STXBP5L: variants seen among roughly 807,000 people sequenced by gnomAD.
STXBP5L encodes syntaxin-binding protein 5-like.
STXBP5L carries 65 observed loss-of-function variants against 144.5 expected under a neutral mutation model. That is an observed-to-expected ratio of 0.45 (90% CI 0.37 to 0.55). The LOEUF is 0.55. Ranked by LOEUF, STXBP5L falls within the 20% of genes least tolerant of loss-of-function variation. STXBP5L has a pLI of 0.00. For missense variants in STXBP5L, 1,298 were observed against 1,405.5 expected (o/e 0.92, Z 1.22); for synonymous variants, 505 against 469.6 (o/e 1.08, Z -0.97).
intron 10 of STXBP5L, among the ~76,000 whole-genome samples, chr3:121,211,868 A>G (rs1205343019): frequency 6.6e-6 from 1 of 151,738 alleles, no homozygotes; most frequent in African/African-American, 2.4e-5. Flanking sequence ...GAGTGAGCCA[A>G]CATGCTGGCC....
intron 20 of STXBP5L, among the ~76,000 whole-genome samples, chr3:121,363,667 A>G (rs941658597): frequency 1.5e-4 from 23 of 151,908 alleles, no homozygotes; most frequent in East Asian, 9.7e-4. Context: ...TGTTTTTTCT[A>G]TCTCCTTAGT....
At chr3:120,978,762 A>C (rs1450605545) in intron 3 of STXBP5L, among the ~76,000 whole-genome samples, 1 of 152,230 alleles carries the variant, frequency 6.6e-6, no homozygotes, top group East Asian at 1.9e-4. Flanking sequence ...TCCTTCTAAC[A>C]GATGGGACCC....
At chr3:121,058,561 A>G (rs1948611083) in intron 5 of STXBP5L, among the ~76,000 whole-genome samples, 1 of 152,250 alleles carries the variant, frequency 6.6e-6, no homozygotes, top group Admixed American at 6.5e-5. Context: ...AGTCTCTTCC[A>G]CAATGGCTGA....
At chr3:121,271,673 T>A (rs1288691946) in intron 18 of STXBP5L, among the ~76,000 whole-genome samples, 2 of 152,246 alleles carry the variant, frequency 1.3e-5, no homozygotes, top group Non-Finnish European at 2.9e-5. Flanking sequence ...GCTTTTGGAT[T>A]CTTCTAAGAA....
chr3:121,090,507 C>T (rs1209045256), intron 5 of STXBP5L, among the ~76,000 whole-genome samples: 2 of 152,120 alleles, frequency 1.3e-5, no homozygotes, highest in Non-Finnish European at 2.9e-5. Context: ...TGTTCAGGAG[C>T]ATGAAAATAG....
At chr3:121,110,675 C>T (rs754627241) in intron 5 of STXBP5L, among the ~76,000 whole-genome samples, 31 of 152,040 alleles carry the variant, frequency 2.0e-4, no homozygotes, top group Non-Finnish European at 3.7e-4. Context: ...TCTTTCATTT[C>T]GACCTTACAG....
At position 121,205,755 on chromosome 3, in the gene STXBP5L, A is replaced by C. The variant is rs1163282350; in HGVS notation, c.878-168A>C. Reference sequence around the variant, plus strand: ...TATTGCAACTCTAAAGATTGTTTACAAATTCAACAAAAATATTGGGATTCA... The same window carrying C: ...TATTGCAACTCTAAAGATTGTTTACCAATTCAACAAAAATATTGGGATTCA... On this transcript the variant is annotated intron_variant, in intron 9 of 26. Transcript: ENST00000471454. Among the ~76,000 whole-genome samples the C allele has an allele frequency of 8.5e-5, 13 of 152,308 alleles. No individual in the cohort carries two copies. The East Asian group carries it at 2.1e-3, about 25-fold the overall frequency.
At chr3:121,379,150 T>C (rs1479279091) in intron 21 of STXBP5L, among the ~76,000 whole-genome samples, 2 of 152,132 alleles carry the variant, frequency 1.3e-5, no homozygotes, top group Non-Finnish European at 2.9e-5. Context: ...TGCCTAAATC[T>C]GTTCCCTACC....
intron 5 of STXBP5L, among the ~76,000 whole-genome samples, chr3:121,089,635 T>C (rs1038863108): frequency 6.6e-6 from 1 of 152,194 alleles, no homozygotes; most frequent in East Asian, 1.9e-4. Flanking sequence ...GCTTCTTGCA[T>C]TTTTTAGCCA....
chr3:121,242,780 C>G (rs1434320998), intron 14 of STXBP5L, among the ~76,000 whole-genome samples: 2 of 151,040 alleles, frequency 1.3e-5, no homozygotes, highest in African/African-American at 4.9e-5. Context: ...AGTAAAAAGA[C>G]AGAAAAAAAA....
chr3:121,321,327 T>C (rs1268827913), intron 20 of STXBP5L, among the ~76,000 whole-genome samples: 2 of 152,216 alleles, frequency 1.3e-5, no homozygotes, highest in African/African-American at 4.8e-5. Flanking sequence ...AAAGTGCGAA[T>C]GGAGTTTACT....
At position 121,240,429 on chromosome 3, in the gene STXBP5L, A is replaced by G; in HGVS notation, c.1333-11A>G. On this transcript the variant is annotated splice_polypyrimidine_tract_variant and intron_variant, in intron 13 of 26. Transcript: ENST00000471454. ...ACATGTATATATATTCTTTCTGGAT[A>G]ATCTGTTTAGGAGTGGCCAATCAGT... is the stretch of plus-strand genomic sequence containing the variant. The G allele has an allele frequency of 6.2e-7, 1 of 1,611,872 alleles. No homozygotes were observed. Among genetic ancestry groups the G allele is most frequent in the Non-Finnish European group, 8.5e-7 (1 of 1,178,620 alleles).
At chr3:121,022,420 A>G (rs1193504829) in intron 3 of STXBP5L, among the ~76,000 whole-genome samples, 1 of 151,652 alleles carries the variant, frequency 6.6e-6, no homozygotes, top group East Asian at 1.9e-4. Flanking sequence ...TCTCTAAATC[A>G]AATCCTAATA....
chr3:121,186,790 G>A (rs1357294234), intron 9 of STXBP5L, among the ~76,000 whole-genome samples: 1 of 152,126 alleles, frequency 6.6e-6, no homozygotes, highest in Non-Finnish European at 1.5e-5. Context: ...AGACATTTAT[G>A]CAGCCAAAAG....
At chr3:121,167,093 G>A (rs556341000) in intron 9 of STXBP5L, among the ~76,000 whole-genome samples, 1 of 152,132 alleles carries the variant, frequency 6.6e-6, no homozygotes, top group Non-Finnish European at 1.5e-5. Context: ...GAGTCCAAGT[G>A]GTAAAGAGAA....
intron 22 of STXBP5L, among the ~76,000 whole-genome samples, chr3:121,385,138 C>A (rs934673507): frequency 2.4e-4 from 37 of 152,040 alleles, no homozygotes; most frequent in Non-Finnish European, 5.4e-4. Flanking sequence ...GTGGTAGATG[C>A]TTTTTCATTG....
At chr3:121,251,266 A>G (rs1489291031) in intron 15 of STXBP5L, among the ~76,000 whole-genome samples, 2 of 152,220 alleles carry the variant, frequency 1.3e-5, no homozygotes, top group Non-Finnish European at 2.9e-5. Flanking sequence ...AAGGAATGCA[A>G]AGATACTTAA....
chr3:121,324,070 A>G (rs184335983), intron 20 of STXBP5L, among the ~76,000 whole-genome samples: 9 of 152,256 alleles, frequency 5.9e-5, no homozygotes, highest in African/African-American at 2.2e-4. Flanking sequence ...ATTCACCTTC[A>G]TAATTCTCAG....
chr3:120,962,131 T>C (rs78126765), intron 3 of STXBP5L, among the ~76,000 whole-genome samples: 15,048 of 152,162 alleles, frequency 0.099, 1,160 homozygotes, highest in Admixed American at 0.2. Flanking sequence ...GTTTGTTTTT[T>C]TCTGGTAAAT....
Sources: allele counts gnomAD v4.1 joint callset (sites outside exome capture counted in the v4.1 genomes callset), GRCh38; gene constraint gnomAD v4.1.1; transcripts MANE v1.5; gene names NCBI Gene and HGNC (gene_info 2026-07-23, HGNC 2026-07-21).